The following IMPA2 variants were observed in gnomAD, a reference collection of about 807,000 sequenced individuals.
IMPA2 encodes IMP 2.
In IMPA2, 32 loss-of-function variants were observed where a neutral mutation model predicts 35.1. The observed-to-expected ratio is 0.91, with a 90% confidence interval of 0.69 to 1.23. The LOEUF (loss-of-function observed/expected upper bound fraction) is 1.23. Ranked by LOEUF, IMPA2 falls within the 50% of genes most tolerant of loss-of-function variation. The pLI is 0.00. For synonymous variants in IMPA2, 135 were observed against 160.6 expected, an observed-to-expected ratio of 0.84 and a Z score of 1.20; for missense variants, 334 against 387.6, an observed-to-expected ratio of 0.86 and a Z score of 1.16.
intron 1 of IMPA2, among the ~76,000 whole-genome samples, chr18:11,988,379 C>T (rs778235780): frequency 4.6e-5 from 7 of 152,088 alleles, no homozygotes; most frequent in Non-Finnish European, 2.9e-5. Context: ...TTTATTCATC[C>T]AACAAAGAAT....
At position 11,991,868 on chromosome 18, in the gene IMPA2, G is replaced by A. The variant is rs1327226694; in HGVS notation, c.97-7186G>A. 6.8e-6 allele frequency among the ~76,000 whole-genome samples: 1 copy of A among 147,592 alleles called. No individual in the cohort carries two copies. On this transcript the variant is annotated intron_variant, in intron 1 of 7. Transcript: ENST00000269159. The surrounding 1 kb of genome is among the most constrained non-coding windows in gnomAD (Gnocchi z 4.1). ...ACAATTTTTTTTTTTTTTTGAGATG[G>A]AGCCTTGCTCTGTCTCCCAGGATGG...
chr18:11,992,284 A>G (rs1416345083), intron 1 of IMPA2, among the ~76,000 whole-genome samples: 1 of 152,238 alleles, frequency 6.6e-6, no homozygotes, highest in Non-Finnish European at 1.5e-5. Context: ...GCACACCTCC[A>G]GTGGCCACAT....
intron 2 of IMPA2, among the ~76,000 whole-genome samples, chr18:12,007,023 A>G (rs3786290): frequency 0.14 from 21,985 of 152,184 alleles, 1,834 homozygotes; most frequent in African/African-American, 0.22. Context: ...CCAGCTACTC[A>G]TGAGGCTGAG....
At chr18:11,984,720 C>G (rs1295851964) in intron 1 of IMPA2, among the ~76,000 whole-genome samples, 4 of 152,124 alleles carry the variant, frequency 2.6e-5, no homozygotes, top group Non-Finnish European at 5.9e-5. Context: ...GTAATCCCAG[C>G]ACTTTGGGAG....
intron 1 of IMPA2, among the ~76,000 whole-genome samples, chr18:11,996,956 A>T (rs567343021): frequency 2.6e-4 from 40 of 151,924 alleles, no homozygotes; most frequent in African/African-American, 9.4e-4. Context: ...ACACACCCAG[A>T]GATAGACATA....
In IMPA2 at chr18:12,009,953, G is replaced by A. The variant is rs148563375; in HGVS notation, c.301G>A (p.Asp101Asn). 2.5e-6 allele frequency: 4 copies of A among 1,613,912 alleles called. No individual in the cohort carries two copies. Among genetic ancestry groups the A allele is most frequent in the South Asian group, 1.1e-5 (1 of 91,082 alleles). Reference sequence around the variant, plus strand: ...CACCCACAGCCCGACGTGGATCATCGACCCCATCGACGGCACCTGCAATTT... The same window carrying A: ...CACCCACAGCCCGACGTGGATCATCAACCCCATCGACGGCACCTGCAATTT... ...VLTHSPTWII[D>N]PIDGTCNFVH... The change falls in exon 3 of 8, where the codon GAC becomes AAC. Residue 101 changes from aspartate to asparagine, a missense_variant. By Grantham distance (23) the Asp-to-Asn change is conservative. Coordinates refer to ENST00000269159, the MANE Select transcript of IMPA2 (RefSeq NM_014214.3).
intron 5 of IMPA2, chr18:12,021,757 A>G (rs1907737386): frequency 6.6e-6 from 1 of 152,222 alleles, no homozygotes. Flanking sequence ...CCTCAAAGCG[A>G]TCGGCGCACC....
chr18:11,990,379 G>A (rs1906780505), intron 1 of IMPA2, among the ~76,000 whole-genome samples: 1 of 152,162 alleles, frequency 6.6e-6, no homozygotes, highest in African/African-American at 2.4e-5. Context: ...AGTCAGCTAG[G>A]AAGGTTAGGT....
At chr18:11,996,547 C>A (rs1906962967) in intron 1 of IMPA2, among the ~76,000 whole-genome samples, 1 of 152,112 alleles carries the variant, frequency 6.6e-6, no homozygotes, top group Non-Finnish European at 1.5e-5. Flanking sequence ...CAGAACCCAC[C>A]ACCACCTGCC....
intron 5 of IMPA2, among the ~76,000 whole-genome samples, chr18:12,019,918 C>T (rs1388095985): frequency 6.6e-6 from 1 of 152,124 alleles, no homozygotes; most frequent in Admixed American, 6.6e-5. Flanking sequence ...CTCTGTTGCC[C>T]AGTCCGGAGT....
At chr18:12,014,968 G>C (rs1480282770) in intron 5 of IMPA2, among the ~76,000 whole-genome samples, 1 of 152,212 alleles carries the variant, frequency 6.6e-6, no homozygotes, top group Non-Finnish European at 1.5e-5. Flanking sequence ...CGCCTGTCCT[G>C]AATGGGCCAG....
chr18:11,995,204 G>A (rs1906926553), intron 1 of IMPA2, among the ~76,000 whole-genome samples: 1 of 152,214 alleles, frequency 6.6e-6, no homozygotes, highest in Admixed American at 6.5e-5. Flanking sequence ...AGTCATCCAG[G>A]GATCCAGCTT....
At chr18:11,995,584 C>T (rs1906937978) in intron 1 of IMPA2, among the ~76,000 whole-genome samples, 1 of 152,176 alleles carries the variant, frequency 6.6e-6, no homozygotes, top group African/African-American at 2.4e-5. Context: ...CACATAGTGA[C>T]AGGGCGCCAC....
chr18:11,996,330 G>A (rs759986857), intron 1 of IMPA2, among the ~76,000 whole-genome samples: 9 of 152,134 alleles, frequency 5.9e-5, no homozygotes, highest in Non-Finnish European at 1.2e-4. Flanking sequence ...TGTGAGCAGC[G>A]GGAAGCCGTT....
At chr18:11,992,053 A>G (rs1362405549) in intron 1 of IMPA2, among the ~76,000 whole-genome samples, 1 of 152,228 alleles carries the variant, frequency 6.6e-6, no homozygotes, top group Non-Finnish European at 1.5e-5. Flanking sequence ...CATGTTGGCC[A>G]GGCTGGTCTC....
rs772551509 is a variant in IMPA2 at position 11,999,231 on chromosome 18, C to T, written c.230+44C>T. The stretch of plus-strand genomic sequence containing the variant: ...GAAACACCCCCAGTAACCCTGGCCA[C>T]ACTCATAGAGAATGCAGGGTCTGCC... On this transcript the variant is annotated intron_variant, in intron 2 of 7. Coordinates refer to ENST00000269159, the MANE Select transcript of IMPA2 (RefSeq NM_014214.3). The T allele has an allele frequency of 3.8e-6, 6 of 1,592,530 alleles. No individual in the cohort carries two copies. In the African/African-American group the frequency reaches 5.4e-5, roughly 14 times the overall value.
At chr18:12,009,017 G>A (rs11080537) in intron 2 of IMPA2, among the ~76,000 whole-genome samples, 1 of 152,076 alleles carries the variant, frequency 6.6e-6, no homozygotes, top group Non-Finnish European at 1.5e-5. Context: ...GGGGCAGGGA[G>A]CGTCCCAGCC....
At chr18:12,007,655 CT>C (rs879381745) in intron 2 of IMPA2, among the ~76,000 whole-genome samples, 15,293 of 136,984 alleles carry the variant, frequency 0.11, 1,030 homozygotes, top group Admixed American at 0.19. Context: ...TTCTTTCTTT[CT>C]TTCTTTCTTT....
chr18:12,008,197 T>C, intron 2 of IMPA2: 1 of 420,360 alleles, frequency 2.4e-6, no homozygotes, highest in South Asian at 1.7e-5. Flanking sequence ...GGTTTCACCA[T>C]GCTGGCCAGG....
Sources: gnomAD v4.1 joint callset for allele counts (sites outside exome capture counted in the v4.1 genomes callset) on GRCh38, gnomAD v4.1.1 for gene constraint, Gnocchi (gnomAD v3.1) non-coding constraint, MANE v1.5 for transcripts, NCBI Gene and HGNC (gene_info 2026-07-23, HGNC 2026-07-21) for gene names.